AIG1: variants seen among roughly 807,000 people sequenced by gnomAD.
The protein encoded by AIG1 is androgen-induced gene 1 protein.
A neutral mutation model predicts 31.4 loss-of-function variants in AIG1; 23 were observed. The observed-to-expected ratio is 0.73, with a 90% confidence interval of 0.53 to 1.04. The LOEUF (loss-of-function observed/expected upper bound fraction) is 1.04, where lower values mean the gene tolerates loss of function less well. Among genes scored for constraint, AIG1 ranks in the 50% least tolerant of loss-of-function variants. The pLI, the probability that AIG1 is intolerant of heterozygous loss-of-function variation, is 0.00. For synonymous variants in AIG1, 100 were observed against 110.5 expected, an observed-to-expected ratio of 0.90 and a Z score of 0.60; for missense variants, 274 against 295.0, an observed-to-expected ratio of 0.93 and a Z score of 0.52.
intron 3 of AIG1, among the ~76,000 whole-genome samples, chr6:143,254,902 G>C (rs112108329): frequency 0.055 from 8,329 of 152,118 alleles, 581 homozygotes; most frequent in African/African-American, 0.16. Context: ...GTGGTAGTGG[G>C]ACTACTACAG....
chr6:143,212,235 A>G (rs1301605618), intron 3 of AIG1, among the ~76,000 whole-genome samples: 3 of 152,144 alleles, frequency 2.0e-5, no homozygotes, highest in Non-Finnish European at 4.4e-5. Context: ...AATTCCACCT[A>G]TTCTTGAAGA....
intron 3 of AIG1, among the ~76,000 whole-genome samples, chr6:143,218,813 C>T (rs953903804): frequency 6.6e-6 from 1 of 152,206 alleles, no homozygotes; most frequent in South Asian, 2.1e-4. Context: ...TACTTTCTGA[C>T]CCCTGATTCC....
chr6:143,060,888 C>G (rs761972594), upstream of AIG1: 5 of 1,409,234 alleles, frequency 3.5e-6, no homozygotes, highest in East Asian at 8.7e-5. Flanking sequence ...TCACGCCCGC[C>G]CTCCTTGCCG....
At chr6:143,156,415 G>C (rs1279247865) in intron 2 of AIG1, among the ~76,000 whole-genome samples, 1 of 152,190 alleles carries the variant, frequency 6.6e-6, no homozygotes, top group African/African-American at 2.4e-5. Context: ...ATAATGTGTA[G>C]AGTGCATTTT....
intron 3 of AIG1, among the ~76,000 whole-genome samples, chr6:143,213,748 C>A (rs953652258): frequency 1.3e-5 from 2 of 151,476 alleles, no homozygotes; most frequent in African/African-American, 4.9e-5. Context: ...AACTCCTGAC[C>A]TCAGGTGACC....
At chr6:143,130,791 G>A (rs1783156604) in intron 1 of AIG1, among the ~76,000 whole-genome samples, 1 of 148,990 alleles carries the variant, frequency 6.7e-6, no homozygotes, top group South Asian at 2.1e-4. Context: ...GTGCATCATT[G>A]GGGTTTGTTG....
downstream of AIG1, chr6:143,342,686 AAAG>A: frequency 9.1e-6 from 11 of 1,212,418 alleles, no homozygotes; most frequent in Non-Finnish European, 1.4e-5. Flanking sequence ...AAGACCACAA[AAAG>A]AAGGAGACTT....
chr6:143,300,477 G>T (rs1457144537), intron 4 of AIG1, among the ~76,000 whole-genome samples: 1 of 152,140 alleles, frequency 6.6e-6, no homozygotes, highest in African/African-American at 2.4e-5. Context: ...AAAAGAATAA[G>T]TTACCAGCCA....
At chr6:143,070,540 A>G (rs1777151500) in intron 1 of AIG1, among the ~76,000 whole-genome samples, 1 of 152,180 alleles carries the variant, frequency 6.6e-6, no homozygotes, top group South Asian at 2.1e-4. Context: ...AAAGAAACTT[A>G]TGTCTTACAG....
rs199722014 is a variant in AIG1 at position 143,258,720 on chromosome 6, G to GA, written c.400-25384dup. Among the ~76,000 whole-genome samples, 18 of 152,230 alleles carry GA rather than the reference G, an allele frequency of 1.2e-4. No homozygotes were observed. Among genetic ancestry groups the GA allele is most frequent in the African/African-American group, 4.3e-4 (18 of 41,556 alleles). ...TGAAAATAATTTGAGGAACAATTGT[G>GA]AAAAAAGTCTTATATTCTAGACCCA... On this transcript the variant is annotated intron_variant, in intron 3 of 5. Transcript: ENST00000357847. This position sits in a 1 kb window ranked among gnomAD's most constrained non-coding sequence, Gnocchi z 4.7.
chr6:143,194,484 C>T (rs897620748), intron 3 of AIG1, among the ~76,000 whole-genome samples: 1 of 152,254 alleles, frequency 6.6e-6, no homozygotes, highest in South Asian at 2.1e-4. Flanking sequence ...TTGATGAGCA[C>T]GGAAAAGTCC....
At chr6:143,143,564 C>A (rs1485988213) in intron 2 of AIG1, among the ~76,000 whole-genome samples, 1 of 116,154 alleles carries the variant, frequency 8.6e-6, no homozygotes, top group Non-Finnish European at 1.7e-5. Flanking sequence ...TACACACACA[C>A]TTAATATCTT....
At chr6:143,115,014 C>T (rs969470077) in intron 1 of AIG1, among the ~76,000 whole-genome samples, 1 of 152,168 alleles carries the variant, frequency 6.6e-6, no homozygotes, top group Non-Finnish European at 1.5e-5. Context: ...TATTATACAT[C>T]GTGAGCATTT....
At chr6:143,190,179 C>A in intron 3 of AIG1, 1 of 985,186 alleles carries the variant, frequency 1.0e-6, no homozygotes, top group Non-Finnish European at 1.2e-6. Flanking sequence ...AACATTCAGC[C>A]CATAGCAGGA....
At chr6:143,145,421 G>A (rs1394295323) in intron 2 of AIG1, among the ~76,000 whole-genome samples, 1 of 152,146 alleles carries the variant, frequency 6.6e-6, no homozygotes, top group Non-Finnish European at 1.5e-5. Context: ...ATCCTAAAGA[G>A]GGTTATTAAA....
In AIG1 at chr6:143,331,446, A is replaced by G. The variant is rs1777064239; in HGVS notation, c.516-1836A>G. ...TATTCTAGGTACCTCATATAAGTGGAATCATATACAATATGTGACCTGTGT... is the reference window on the plus strand; with the variant it reads ...TATTCTAGGTACCTCATATAAGTGGGATCATATACAATATGTGACCTGTGT... On this transcript the variant is annotated intron_variant, in intron 4 of 5. Coordinates refer to ENST00000357847, the MANE Select transcript of AIG1 (RefSeq NM_016108.4). This position sits in a 1 kb window ranked among gnomAD's most constrained non-coding sequence, Gnocchi z 4.1. Among the ~76,000 whole-genome samples, 1 of 152,144 alleles carries G rather than the reference A, an allele frequency of 6.6e-6. No homozygotes were observed. Among genetic ancestry groups the G allele is most frequent in the African/African-American group, 2.4e-5 (1 of 41,426 alleles).
intron 4 of AIG1, among the ~76,000 whole-genome samples, chr6:143,304,597 GC>G (rs1799108452): frequency 6.6e-6 from 1 of 152,082 alleles, no homozygotes; most frequent in Non-Finnish European, 1.5e-5. Flanking sequence ...TGGTTGATAA[GC>G]TTTTTGATGT....
At position 143,297,728 on chromosome 6, in the gene AIG1, C is replaced by G. The variant is rs1396369155; in HGVS notation, c.515+13503C>G. 6.6e-6 allele frequency among the ~76,000 whole-genome samples: 1 copy of G among 152,196 alleles called. No individual in the cohort carries two copies. Among genetic ancestry groups the G allele is most frequent in the East Asian group, 1.9e-4 (1 of 5,194 alleles). On this transcript the variant is annotated intron_variant, in intron 4 of 5. Transcript: ENST00000357847. This position sits in a 1 kb window ranked among gnomAD's most constrained non-coding sequence, Gnocchi z 5.1. ...CCTGGCAAGCTTTCATACACTGCCT[C>G]TCCTCCAATTTTCATGTCTCAGCCA...
intron 3 of AIG1, among the ~76,000 whole-genome samples, chr6:143,251,281 G>T (rs1474171120): frequency 6.6e-6 from 1 of 152,076 alleles, no homozygotes; most frequent in Non-Finnish European, 1.5e-5. Context: ...CGAACTCCCG[G>T]CCTCAGGTGG....
Sources: gnomAD v4.1 joint callset for allele counts (sites outside exome capture counted in the v4.1 genomes callset) on GRCh38, gnomAD v4.1.1 for gene constraint, Gnocchi (gnomAD v3.1) non-coding constraint, MANE v1.5 for transcripts, NCBI Gene and HGNC (gene_info 2026-07-23, HGNC 2026-07-21) for gene names.